The following SEC24B variants were observed in gnomAD, a reference collection of about 807,000 sequenced individuals.
SEC24B encodes the protein protein transport protein Sec24B.
Under a neutral mutation model 142.8 loss-of-function variants are expected in SEC24B, and 45 were observed. The ratio of observed to expected loss-of-function variants is 0.32; its 90% confidence interval spans 0.25 to 0.40. The LOEUF is 0.40. Ranked by LOEUF, SEC24B falls within the 10% of genes least tolerant of loss-of-function variation. The pLI is 1.00. For missense variants in SEC24B, 1,409 were observed against 1,526.8 expected (o/e 0.92, Z 1.29); for synonymous variants, 574 against 568.2 (o/e 1.01, Z -0.15).
At position 109,450,753 on chromosome 4, in the gene SEC24B, T is replaced by TC. The variant is rs1185361245; in HGVS notation, c.134-12148_134-12147insC. On this transcript the variant is annotated intron_variant, in intron 1 of 23. Coordinates refer to ENST00000265175, the MANE Select transcript of SEC24B (RefSeq NM_006323.5). ...CATCAATTACTACTGTGCAATTCTTTTTTTTTTTTTTTTTTTTAAAGAGCC... is the reference window on the plus strand; with the variant it reads ...CATCAATTACTACTGTGCAATTCTTTCTTTTTTTTTTTTTTTTTAAAGAGCC... 578 of 149,200 alleles carry TC rather than the reference T, an allele frequency of 3.9e-3. 2 individuals are homozygous for TC. Among genetic ancestry groups the TC allele is most frequent in the African/African-American group, 0.013 (536 of 40,956 alleles). 9.2% of individuals were successfully genotyped at this position (149,200 alleles called of 1,614,324 possible). A position where few individuals can be genotyped will look rare whatever the true frequency, so the allele number is the denominator to read the frequency against.
At chr4:109,509,462 G>T (rs970237506) in intron 7 of SEC24B, among the ~76,000 whole-genome samples, 15 of 152,114 alleles carry the variant, frequency 9.9e-5, no homozygotes, top group Non-Finnish European at 1.5e-4. Context: ...TGGATCACAA[G>T]GTCAGGAGAT....
chr4:109,476,647 ATTGT>A (rs1366960370), intron 3 of SEC24B, among the ~76,000 whole-genome samples: 3 of 152,152 alleles, frequency 2.0e-5, no homozygotes, highest in Non-Finnish European at 4.4e-5. Context: ...GTCAGAAATT[ATTGT>A]TTGTTAGATT....
At chr4:109,519,863 C>T (rs1723415701) in intron 11 of SEC24B, among the ~76,000 whole-genome samples, 1 of 152,114 alleles carries the variant, frequency 6.6e-6, no homozygotes. Context: ...CTGAAGTTAA[C>T]ATAGTTGGTA....
At chr4:109,435,866 G>A (rs1229306935) in intron 1 of SEC24B, among the ~76,000 whole-genome samples, 1 of 152,172 alleles carries the variant, frequency 6.6e-6, no homozygotes, top group Non-Finnish European at 1.5e-5. Context: ...GGCTAGCCTT[G>A]AGGGACTCGA....
rs1377988958 is a variant in SEC24B at position 109,467,369 on chromosome 4, T to TG, written c.877+3725_877+3726insG. On this transcript the variant is annotated intron_variant, in intron 2 of 23. Coordinates refer to ENST00000265175, the MANE Select transcript of SEC24B (RefSeq NM_006323.5). Reference sequence around the variant, plus strand: ...AAAAGTCCGCTCCAAGTATGTATGTTTTGAGTGTTACATTAGTTGTTAAAG... The same window carrying TG: ...AAAAGTCCGCTCCAAGTATGTATGTTGTTGAGTGTTACATTAGTTGTTAAAG... Among the ~76,000 whole-genome samples, 11 of 152,054 alleles carry TG rather than the reference T, an allele frequency of 7.2e-5. No homozygotes were observed. In the East Asian group the frequency reaches 2.1e-3, roughly 29 times the overall value.
At chr4:109,451,484 G>C (rs1047079738) in intron 1 of SEC24B, among the ~76,000 whole-genome samples, 1 of 150,678 alleles carries the variant, frequency 6.6e-6, no homozygotes, top group South Asian at 2.1e-4. Context: ...ACTTACTTTT[G>C]TTGCTCAGAT....
At chr4:109,498,091 G>A (rs144792262) in intron 6 of SEC24B, among the ~76,000 whole-genome samples, 7 of 152,246 alleles carry the variant, frequency 4.6e-5, no homozygotes, top group African/African-American at 1.7e-4. Context: ...ACAGAATTAA[G>A]CACTTTTTTT....
intron 4 of SEC24B, among the ~76,000 whole-genome samples, chr4:109,484,199 C>G (rs1394813474): frequency 6.6e-6 from 1 of 152,208 alleles, no homozygotes; most frequent in Non-Finnish European, 1.5e-5. Flanking sequence ...TCATTAGCCT[C>G]TTTCCTTGCC....
intron 2 of SEC24B, among the ~76,000 whole-genome samples, chr4:109,466,711 A>G (rs868143395): frequency 6.6e-6 from 1 of 152,102 alleles, no homozygotes; most frequent in African/African-American, 2.4e-5. Flanking sequence ...CACCCGGCCA[A>G]TAGTTTTGTG....
intron 8 of SEC24B, 37 bp downstream of exon 8, chr4:109,510,148 A>AC: frequency 9.5e-7 from 1 of 1,048,132 alleles, no homozygotes; most frequent in Admixed American, 2.3e-5. Flanking sequence ...GGGTACTGAC[A>AC]TGTATGCTTA....
intron 4 of SEC24B, among the ~76,000 whole-genome samples, chr4:109,488,040 G>A (rs1175815424): frequency 6.6e-6 from 1 of 151,648 alleles, no homozygotes; most frequent in Admixed American, 6.6e-5. Flanking sequence ...TTCAAGAGTA[G>A]TTATTTCTTG....
At chr4:109,488,493 T>A (rs1015236376) in intron 4 of SEC24B, among the ~76,000 whole-genome samples, 1 of 152,186 alleles carries the variant, frequency 6.6e-6, no homozygotes, top group East Asian at 1.9e-4. Context: ...ATGTATCACA[T>A]TTTATTTATC....
intron 5 of SEC24B, among the ~76,000 whole-genome samples, chr4:109,492,044 C>T (rs1323339083): frequency 6.6e-6 from 1 of 151,916 alleles, no homozygotes; most frequent in Admixed American, 6.6e-5. Context: ...CCTAATGATT[C>T]CAAGCTTCAA....
At chr4:109,441,163 A>G (rs1005302652) in intron 1 of SEC24B, among the ~76,000 whole-genome samples, 6 of 152,312 alleles carry the variant, frequency 3.9e-5, no homozygotes, top group African/African-American at 1.4e-4. Context: ...GCCAGTGGCC[A>G]AGTCTTAACT....
intron 11 of SEC24B, among the ~76,000 whole-genome samples, chr4:109,518,654 G>A (rs1723243572): frequency 6.6e-6 from 1 of 152,254 alleles, no homozygotes; most frequent in Non-Finnish European, 1.5e-5. Flanking sequence ...GTTACTAAGA[G>A]TTTTCATGTT....
intron 10 of SEC24B, among the ~76,000 whole-genome samples, chr4:109,515,044 A>G (rs1223809620): frequency 6.6e-6 from 1 of 152,184 alleles, no homozygotes; most frequent in African/African-American, 2.4e-5. Context: ...AGCAAGAAAT[A>G]ATCTTTTAAG....
intron 11 of SEC24B, among the ~76,000 whole-genome samples, chr4:109,517,394 G>A (rs1257874439): frequency 6.6e-6 from 1 of 152,162 alleles, no homozygotes; most frequent in Non-Finnish European, 1.5e-5. Flanking sequence ...CATTCATTGT[G>A]GGAGCTAAAA....
chr4:109,475,510 G>C (rs551648906), intron 3 of SEC24B, among the ~76,000 whole-genome samples: 1 of 152,112 alleles, frequency 6.6e-6, no homozygotes, highest in Non-Finnish European at 1.5e-5. Context: ...TTTTAGGGGA[G>C]ACATCAAATT....
At chr4:109,522,106 C>T (rs1723693651) in intron 14 of SEC24B, among the ~76,000 whole-genome samples, 1 of 150,084 alleles carries the variant, frequency 6.7e-6, no homozygotes, top group Non-Finnish European at 1.5e-5. Flanking sequence ...GGCTGGAGTG[C>T]AGTGGCGCGC....
Sources: allele counts gnomAD v4.1 joint callset (sites outside exome capture counted in the v4.1 genomes callset), GRCh38; gene constraint gnomAD v4.1.1; transcripts MANE v1.5; gene names NCBI Gene and HGNC (gene_info 2026-07-23, HGNC 2026-07-21).